The following UNC13C variants were observed in gnomAD, a reference collection of about 807,000 sequenced individuals.
UNC13C encodes the protein protein unc-13 homolog C.
In UNC13C, 174 loss-of-function variants were observed where a neutral mutation model predicts 245.4. That is an observed-to-expected ratio of 0.71 (90% confidence interval 0.63 to 0.80). UNC13C has a LOEUF of 0.80. Among genes scored for constraint, UNC13C ranks in the 30% least tolerant of loss-of-function variants. UNC13C has a pLI of 0.00. For missense variants in UNC13C, 2,829 were observed against 2,602.9 expected, an observed-to-expected ratio of 1.09 and a Z score of -1.89; for synonymous variants, 992 against 895.1, an observed-to-expected ratio of 1.11 and a Z score of -1.93.
the UNC13C span, among the ~76,000 whole-genome samples, chr15:53,880,329 T>G: frequency 6.6e-6 from 1 of 152,180 alleles, no homozygotes; most frequent in Admixed American, 6.5e-5. Context: ...CAAATCAATA[T>G]TCACACAGAA....
downstream of UNC13C, chr15:54,632,148 T>C (rs1901467516): frequency 6.6e-6 from 1 of 152,206 alleles, no homozygotes; most frequent in South Asian, 2.1e-4. Context: ...TTTAGTGAAG[T>C]ATCTGCAAAT....
chr15:53,929,272 C>A, the UNC13C span, among the ~76,000 whole-genome samples: 19 of 152,116 alleles, frequency 1.2e-4, no homozygotes, highest in Admixed American at 1.2e-3. Context: ...GATTCAATTA[C>A]CTCCCAGTAG....
intron 2 of UNC13C, among the ~76,000 whole-genome samples, chr15:54,141,573 C>G (rs1192829214): frequency 1.3e-5 from 2 of 151,964 alleles, no homozygotes; most frequent in Non-Finnish European, 2.9e-5. Flanking sequence ...TATCAGATGA[C>G]TTTTGCTCCC....
At chr15:53,885,355 C>T in the UNC13C span, among the ~76,000 whole-genome samples, 2 of 152,184 alleles carry the variant, frequency 1.3e-5, no homozygotes, top group African/African-American at 2.4e-5. Context: ...AGACAGGCCA[C>T]TGTCTACAGG....
At chr15:54,597,501 C>A (rs188951586) in intron 30 of UNC13C, among the ~76,000 whole-genome samples, 25 of 152,236 alleles carry the variant, frequency 1.6e-4, no homozygotes, top group African/African-American at 4.3e-4. Flanking sequence ...ACTCCAGATA[C>A]GTCTGGGGTA....
intron 1 of UNC13C, among the ~76,000 whole-genome samples, chr15:53,989,953 A>T (rs369011805): frequency 6.6e-6 from 1 of 151,982 alleles, no homozygotes; most frequent in South Asian, 2.1e-4. Flanking sequence ...ACATGATTCC[A>T]TATTTATGTT....
the UNC13C span, among the ~76,000 whole-genome samples, chr15:53,870,087 C>T: frequency 6.6e-6 from 1 of 152,198 alleles, no homozygotes; most frequent in African/African-American, 2.4e-5. Flanking sequence ...TGACTGTACT[C>T]CTACGCTTAC....
chr15:54,553,518 T>C (rs28485926), intron 28 of UNC13C, among the ~76,000 whole-genome samples: 7,997 of 143,726 alleles, frequency 0.056, 751 homozygotes, highest in African/African-American at 0.19. Context: ...ATATATGCTA[T>C]ATATAACATA....
chr15:53,872,717 T>C, the UNC13C span, among the ~76,000 whole-genome samples: 2 of 152,176 alleles, frequency 1.3e-5, no homozygotes, highest in South Asian at 2.1e-4. Context: ...ATCTTCAATG[T>C]TCTTGTTACT....
intron 13 of UNC13C, among the ~76,000 whole-genome samples, chr15:54,301,877 A>G (rs1157284677): frequency 1.3e-5 from 2 of 152,186 alleles, no homozygotes; most frequent in African/African-American, 4.8e-5. Context: ...GTGTTCCACA[A>G]TGGTTGAACT....
Position 54,015,680 on chromosome 15 carries a change from C to G in UNC13C, c.2777C>G (p.Ala926Gly), listed in dbSNP as rs1243959825. ...CAAGATGAGGGTTATGATGGTCCAG[C>G]AGATGATATGGTTAGTGAAGAGGGG... ...TPQDEGYDGP[A>G]DDMVSEEGLE... Residue 926 changes from alanine to glycine, a missense_variant, in exon 2 of 33, where the codon GCA (alanine) becomes GGA (glycine). Transcript: ENST00000260323. 6.2e-7 allele frequency: 1 copy of G among 1,613,532 alleles called. No individual in the cohort carries two copies. The highest frequency in any genetic ancestry group is 1.3e-5 in the African/African-American group (1 of 74,912).
intron 4 of UNC13C, among the ~76,000 whole-genome samples, chr15:54,226,962 G>C (rs1397862608): frequency 6.6e-6 from 1 of 152,086 alleles, no homozygotes; most frequent in Non-Finnish European, 1.5e-5. Context: ...CCACAGCGTG[G>C]CAAGCAGGGA....
intron 10 of UNC13C, among the ~76,000 whole-genome samples, chr15:54,278,737 T>C (rs2036899896): frequency 6.6e-6 from 1 of 152,148 alleles, no homozygotes; most frequent in Non-Finnish European, 1.5e-5. Flanking sequence ...CATGCAGAAC[T>C]GGTCATTACA....
At chr15:54,509,124 G>A (rs548392604) in intron 23 of UNC13C, among the ~76,000 whole-genome samples, 36 of 152,234 alleles carry the variant, frequency 2.4e-4, no homozygotes, top group Admixed American at 2.0e-3. Flanking sequence ...GCTTGAACCC[G>A]GGAGATGGAG....
At chr15:53,951,391 C>A in the UNC13C span, among the ~76,000 whole-genome samples, 8 of 152,360 alleles carry the variant, frequency 5.3e-5, no homozygotes, top group East Asian at 1.5e-3. Flanking sequence ...ATTTTTTGGG[C>A]TGCCCACTAT....
chr15:54,276,663 G>C (rs1280992908), intron 10 of UNC13C, among the ~76,000 whole-genome samples: 1 of 152,046 alleles, frequency 6.6e-6, no homozygotes, highest in Non-Finnish European at 1.5e-5. Context: ...TAATACTGTT[G>C]TGAATTTTTT....
intron 12 of UNC13C, among the ~76,000 whole-genome samples, chr15:54,299,344 A>G (rs544702780): frequency 4.5e-4 from 69 of 152,314 alleles, no homozygotes; most frequent in Non-Finnish European, 8.2e-4. Flanking sequence ...AAATTCTCCA[A>G]CATTCATTTT....
chr15:54,466,820 AAG>A (rs1326579720), intron 19 of UNC13C, among the ~76,000 whole-genome samples: 3 of 152,060 alleles, frequency 2.0e-5, no homozygotes, highest in African/African-American at 7.2e-5. Context: ...AAAATTCAAA[AAG>A]AGAAAAATGT....
chr15:53,943,899 G>C, the UNC13C span, among the ~76,000 whole-genome samples: 2 of 151,618 alleles, frequency 1.3e-5, no homozygotes, highest in Non-Finnish European at 2.9e-5. Context: ...TTTTTTCTCT[G>C]AAGTCTGTGT....
Sources: allele counts gnomAD v4.1 joint callset (sites outside exome capture counted in the v4.1 genomes callset), GRCh38; gene constraint gnomAD v4.1.1; transcripts MANE v1.5; gene names NCBI Gene and HGNC (gene_info 2026-07-23, HGNC 2026-07-21).